AOPEP: variants seen among roughly 807,000 people sequenced by gnomAD.
AOPEP encodes the protein aminopeptidase O (putative), also known as aminopeptidase O.
Under a neutral mutation model 98.1 loss-of-function variants are expected in AOPEP, and 77 were observed. That is an observed-to-expected ratio of 0.78 (90% CI 0.65 to 0.95). The LOEUF is 0.95. Among genes scored for constraint, AOPEP ranks in the 40% least tolerant of loss-of-function variants. AOPEP has a pLI of 0.00. For missense variants in AOPEP, 1,024 were observed against 1,024.7 expected (o/e 1.00, Z 0.01); for synonymous variants, 346 against 365.3 (o/e 0.95, Z 0.60).
intron 14 of AOPEP, chr9:95,061,112 G>A: frequency 4.1e-6 from 1 of 243,716 alleles, no homozygotes. Context: ...CCCACTGACG[G>A]TGGTGCCATT....
chr9:95,032,551 G>GT (rs1377407821), intron 13 of AOPEP, among the ~76,000 whole-genome samples: 1 of 152,192 alleles, frequency 6.6e-6, no homozygotes, highest in African/African-American at 2.4e-5. Context: ...ACTACCAGAG[G>GT]GTCCTTCACC....
chr9:94,777,454 A>G (rs1265120175), intron 3 of AOPEP, among the ~76,000 whole-genome samples: 1 of 151,632 alleles, frequency 6.6e-6, no homozygotes, highest in African/African-American at 2.4e-5. Flanking sequence ...AAGAAAACTA[A>G]TGTTAAAATA....
intron 3 of AOPEP, 119 bp from the exon 4 acceptor site, chr9:94,792,646 A>T (rs750453770): frequency 6.2e-6 from 6 of 970,534 alleles, no homozygotes; most frequent in Non-Finnish European, 8.8e-6. Flanking sequence ...ACCGACCTCC[A>T]AGAGTTGGCT....
intron 5 of AOPEP, among the ~76,000 whole-genome samples, chr9:94,829,091 A>G (rs1482146219): frequency 1.3e-5 from 2 of 151,486 alleles, no homozygotes; most frequent in African/African-American, 4.9e-5. Flanking sequence ...CTAGTCTCGA[A>G]CTCCTGACCT....
At chr9:95,035,027 T>C (rs2133435935) in intron 13 of AOPEP, among the ~76,000 whole-genome samples, 1 of 151,972 alleles carries the variant, frequency 6.6e-6, no homozygotes, top group South Asian at 2.1e-4. Flanking sequence ...TGTGCAGCCT[T>C]GTTACATAGG....
chr9:95,129,742 T>C, the AOPEP span, among the ~76,000 whole-genome samples: 2 of 151,896 alleles, frequency 1.3e-5, no homozygotes, highest in South Asian at 4.2e-4. Flanking sequence ...CAGCAGGAGG[T>C]CTTCAATAAC....
intron 1 of AOPEP, among the ~76,000 whole-genome samples, chr9:94,730,403 C>T (rs556344586): frequency 5.3e-5 from 8 of 151,014 alleles, no homozygotes; most frequent in Non-Finnish European, 2.9e-5. Context: ...GAAGAAAAAA[C>T]GACATCCAGG....
At chr9:94,999,829 T>G (rs2061449369) in intron 11 of AOPEP, among the ~76,000 whole-genome samples, 1 of 152,088 alleles carries the variant, frequency 6.6e-6, no homozygotes, top group Non-Finnish European at 1.5e-5. Flanking sequence ...GTAGGTGTAT[T>G]TTTTTCTAAG....
At chr9:94,947,032 A>G (rs1458581984) in intron 7 of AOPEP, among the ~76,000 whole-genome samples, 1 of 149,134 alleles carries the variant, frequency 6.7e-6, no homozygotes, top group Non-Finnish European at 1.5e-5. Flanking sequence ...GCTGGAGTGC[A>G]GTGGCGCGAT....
chr9:94,906,776 C>G (rs908744620), intron 5 of AOPEP, among the ~76,000 whole-genome samples: 1 of 152,170 alleles, frequency 6.6e-6, no homozygotes, highest in Non-Finnish European at 1.5e-5. Context: ...TATCCCAAGC[C>G]CCCAGGACAG....
chr9:94,784,600 A>G (rs1844003858), intron 3 of AOPEP, among the ~76,000 whole-genome samples: 2 of 152,194 alleles, frequency 1.3e-5, no homozygotes, highest in Non-Finnish European at 2.9e-5. Context: ...CTTATTTTCA[A>G]AATTAAATTT....
chr9:94,785,339 G>C (rs1588198690), intron 3 of AOPEP, among the ~76,000 whole-genome samples: 1 of 152,224 alleles, frequency 6.6e-6, no homozygotes, highest in South Asian at 2.1e-4. Context: ...TTTCAGTCCT[G>C]TTGTGGAGAT....
chr9:94,730,298 A>G (rs1340647860), intron 1 of AOPEP, among the ~76,000 whole-genome samples: 2 of 151,588 alleles, frequency 1.3e-5, no homozygotes, highest in East Asian at 1.9e-4. Flanking sequence ...AAAAAAAAAA[A>G]AAAAGTCAAG....
the AOPEP span, among the ~76,000 whole-genome samples, chr9:95,130,357 A>C: frequency 6.6e-6 from 1 of 152,132 alleles, no homozygotes; most frequent in Non-Finnish European, 1.5e-5. Context: ...AAACAAACCA[A>C]AAAGGGAAAT....
chr9:94,797,582 A>T (rs953533473), intron 4 of AOPEP, among the ~76,000 whole-genome samples: 1 of 152,198 alleles, frequency 6.6e-6, no homozygotes, highest in East Asian at 1.9e-4. Context: ...AGTATAATTA[A>T]CATACAACAA....
In AOPEP at chr9:94,794,496, T is replaced by C. The variant is rs535729365; in HGVS notation, c.1118+1578T>C. On this transcript the variant is annotated intron_variant, in intron 4 of 16. Transcript: ENST00000375315. ...ACTAGTACCACAGTAACTGTGGCAG[T>C]TGGTCTTCATCTTTCAGAGATGAAG... 5.9e-5 allele frequency among the ~76,000 whole-genome samples: 9 copies of C among 152,348 alleles called. No homozygotes were observed. In the South Asian group the frequency reaches 1.9e-3, roughly 32 times the overall value.
chr9:94,955,980 G>A lies in AOPEP; in HGVS notation c.1837G>A (p.Val613Met). 2 of 1,613,356 alleles carry A rather than the reference G, an allele frequency of 1.2e-6. No homozygotes were observed. The highest frequency in any genetic ancestry group is 1.7e-6 in the Non-Finnish European group (2 of 1,179,682). Reference sequence around the variant, plus strand: ...CTATTTTTCATTTTTAAGAAAATTTGTGCACACATTTCATGGACAGCTGAT... The same window carrying A: ...CTATTTTTCATTTTTAAGAAAATTTATGCACACATTTCATGGACAGCTGAT... ...ETYFSFLRKF[V>M]HTFHGQLILS... The change falls in exon 9 of 17, where the codon GTG becomes ATG. Residue 613 changes from valine (V) to methionine (M), a missense_variant. Coordinates refer to ENST00000375315, the MANE Select transcript of AOPEP (RefSeq NM_001193329.3).
At chr9:95,074,335 C>T (rs571920051) in intron 14 of AOPEP, among the ~76,000 whole-genome samples, 2 of 152,332 alleles carry the variant, frequency 1.3e-5, no homozygotes, top group East Asian at 1.9e-4. Context: ...TTGGCTTCCA[C>T]ATACCTGCCC....
the AOPEP span, among the ~76,000 whole-genome samples, chr9:95,096,440 G>GA: frequency 6.6e-6 from 1 of 152,254 alleles, no homozygotes; most frequent in Non-Finnish European, 1.5e-5. Context: ...GTGGGTGCGG[G>GA]AGGTGGGTGG....
Sources: allele counts gnomAD v4.1 joint callset (sites outside exome capture counted in the v4.1 genomes callset), GRCh38; gene constraint gnomAD v4.1.1; transcripts MANE v1.5; gene names NCBI Gene and HGNC (gene_info 2026-07-23, HGNC 2026-07-21).